WWOX: variants seen among roughly 807,000 people sequenced by gnomAD.
WWOX encodes WW domain-containing oxidoreductase.
A neutral mutation model predicts 46.2 loss-of-function variants in WWOX; 69 were observed. The observed-to-expected ratio is 1.49, with a 90% confidence interval of 1.23 to 1.82. WWOX has a LOEUF of 1.82. WWOX is among the 40% of genes most tolerant of loss of function. The pLI is 0.00. For synonymous variants in WWOX, 359 were observed against 202.6 expected (o/e 1.77, Z -6.56); for missense variants, 919 against 542.6 (o/e 1.69, Z -6.89).
At chr16:78,657,770 C>G (rs1188458179) in intron 8 of WWOX, among the ~76,000 whole-genome samples, 1 of 152,156 alleles carries the variant, frequency 6.6e-6, no homozygotes, top group East Asian at 1.9e-4. Context: ...CCAAGCTTGA[C>G]TCTGGATTTT....
At chr16:79,200,097 G>T (rs1015679681) in intron 8 of WWOX, among the ~76,000 whole-genome samples, 6 of 152,186 alleles carry the variant, frequency 3.9e-5, no homozygotes, top group African/African-American at 1.4e-4. Context: ...TTTGCACGAA[G>T]AGCAATTTGC....
chr16:78,428,656 G>A (rs995577283), intron 7 of WWOX, among the ~76,000 whole-genome samples: 1 of 152,166 alleles, frequency 6.6e-6, no homozygotes, highest in South Asian at 2.1e-4. Context: ...GTGTTCCCTA[G>A]TCATGACATA....
intron 8 of WWOX, among the ~76,000 whole-genome samples, chr16:78,866,804 C>T (rs2044014094): frequency 6.6e-6 from 1 of 152,208 alleles, no homozygotes; most frequent in African/African-American, 2.4e-5. Flanking sequence ...TGAGCTAGGA[C>T]CATATCCAAA....
intron 8 of WWOX, among the ~76,000 whole-genome samples, chr16:78,935,858 G>T (rs1184204931): frequency 6.6e-6 from 1 of 152,048 alleles, no homozygotes; most frequent in African/African-American, 2.4e-5. Context: ...GCTGCAGTGA[G>T]CTCACATCAC....
intron 8 of WWOX, among the ~76,000 whole-genome samples, chr16:79,068,992 TC>T (rs879305629): frequency 3.9e-5 from 6 of 152,240 alleles, no homozygotes; most frequent in South Asian, 4.2e-4. Context: ...TATGCATCTA[TC>T]TTGGTGTGCA....
chr16:79,211,977 G>C lies in WWOX; in HGVS notation c.*181G>C. 1 of 1,513,496 alleles carries C rather than the reference G, an allele frequency of 6.6e-7. No individual in the cohort carries two copies. The highest frequency in any genetic ancestry group is 8.8e-7 in the Non-Finnish European group (1 of 1,140,504). The allele number at this position is 1,513,496 out of a possible 1,614,324, so 93.8% of individuals were successfully genotyped here. On this transcript the variant is annotated 3_prime_UTR_variant, in exon 9 of 9. Coordinates refer to ENST00000566780, the MANE Select transcript of WWOX (RefSeq NM_016373.4). ...CAATGGGAAGCAGGGAATTCCTGGG[G>C]TAAAGTATCACTTTTCTGGGGCTGG...
intron 8 of WWOX, among the ~76,000 whole-genome samples, chr16:78,672,770 A>G (rs1270263879): frequency 6.6e-6 from 1 of 152,196 alleles, no homozygotes; most frequent in African/African-American, 2.4e-5. Context: ...ATTTGTACTG[A>G]TTATGGCCTG....
intron 8 of WWOX, among the ~76,000 whole-genome samples, chr16:78,767,810 T>C (rs1357557603): frequency 1.3e-5 from 2 of 152,208 alleles, no homozygotes; most frequent in Admixed American, 1.3e-4. Flanking sequence ...CCTAATGATG[T>C]TAAGCGTACT....
intron 8 of WWOX, among the ~76,000 whole-genome samples, chr16:78,955,028 G>T (rs1477387498): frequency 6.6e-6 from 1 of 152,108 alleles, no homozygotes; most frequent in East Asian, 1.9e-4. Context: ...GGCTTCAAGT[G>T]ATCCTTCTGC....
rs981970557 is a variant in WWOX, at chr16:78,676,302, G to T, written c.1056+243550G>T. On this transcript the variant is annotated intron_variant, in intron 8 of 8. Coordinates refer to ENST00000566780, the MANE Select transcript of WWOX (RefSeq NM_016373.4). ...GCTACCATCCTCTAAAGAAGCGAGGGTCTCAGACTTTGTCCCCTTTTGTTC... is the reference window on the plus strand; with the variant it reads ...GCTACCATCCTCTAAAGAAGCGAGGTTCTCAGACTTTGTCCCCTTTTGTTC... 5.9e-5 allele frequency among the ~76,000 whole-genome samples: 9 copies of T among 152,012 alleles called. No homozygotes were observed. The East Asian group carries it at 1.6e-3, about 26-fold the overall frequency.
At chr16:78,787,911 T>A (rs1172474063) in intron 8 of WWOX, among the ~76,000 whole-genome samples, 1 of 152,200 alleles carries the variant, frequency 6.6e-6, no homozygotes, top group East Asian at 1.9e-4. Flanking sequence ...GTTGAGTATT[T>A]TTATGTGGTT....
chr16:79,173,022 A>G (rs1322531617), intron 8 of WWOX, among the ~76,000 whole-genome samples: 2 of 152,154 alleles, frequency 1.3e-5, no homozygotes, highest in Admixed American at 6.5e-5. Flanking sequence ...CCCCATCTCT[A>G]AATAAGTAAA....
At chr16:79,183,994 C>T (rs2050964212) in intron 8 of WWOX, among the ~76,000 whole-genome samples, 1 of 152,208 alleles carries the variant, frequency 6.6e-6, no homozygotes, top group South Asian at 2.1e-4. Flanking sequence ...TCTCAACTCT[C>T]CTCACCTCTG....
intron 8 of WWOX, among the ~76,000 whole-genome samples, chr16:79,166,111 G>A (rs9972794): frequency 0.47 from 71,333 of 152,076 alleles, 17,286 homozygotes; most frequent in East Asian, 0.73. Context: ...CAGACAAGTT[G>A]GGGTATTGCC....
At chr16:78,603,238 A>G (rs1351614949) in intron 8 of WWOX, among the ~76,000 whole-genome samples, 1 of 152,198 alleles carries the variant, frequency 6.6e-6, no homozygotes, top group Non-Finnish European at 1.5e-5. Flanking sequence ...CAGATAAGGC[A>G]TTGGATGCTC....
At chr16:78,152,750 G>C (rs1047363275) in intron 4 of WWOX, among the ~76,000 whole-genome samples, 5 of 152,174 alleles carry the variant, frequency 3.3e-5, no homozygotes, top group African/African-American at 7.2e-5. Context: ...CTTGCCTCTC[G>C]AGAGATCTCA....
rs115174142 is a variant in WWOX at position 78,918,256 on chromosome 16, A to G, written c.1057-293352A>G. Among the ~76,000 whole-genome samples the G allele has an allele frequency of 1.5e-3, 223 of 152,296 alleles. 1 individual carries two copies. The highest frequency in any genetic ancestry group is 4.9e-3 in the African/African-American group (204 of 41,564). ...GAAAGCCCTATCAAAATTTTAAAAA[A>G]TAAAACATAAGAAAAAAATAAATGG... On this transcript the variant is annotated intron_variant, in intron 8 of 8. Coordinates refer to ENST00000566780, the MANE Select transcript of WWOX (RefSeq NM_016373.4).
chr16:78,613,133 C>T (rs772856419), intron 8 of WWOX, among the ~76,000 whole-genome samples: 48 of 152,146 alleles, frequency 3.2e-4, no homozygotes, highest in Admixed American at 2.6e-3. Context: ...GCTTGCTCCT[C>T]TGCTCACAAT....
intron 8 of WWOX, among the ~76,000 whole-genome samples, chr16:78,497,728 T>G (rs2084950097): frequency 6.6e-6 from 1 of 152,208 alleles, no homozygotes; most frequent in South Asian, 2.1e-4. Flanking sequence ...ATGTGGACTC[T>G]CAGCAGGACA....
Sources: allele counts gnomAD v4.1 joint callset (sites outside exome capture counted in the v4.1 genomes callset), GRCh38; gene constraint gnomAD v4.1.1; transcripts MANE v1.5; gene names NCBI Gene and HGNC (gene_info 2026-07-23, HGNC 2026-07-21).